Variants in USP10 observed in about 807,000 individuals in gnomAD.
USP10 encodes the protein ubiquitin carboxyl-terminal hydrolase 10.
USP10 carries 22 observed loss-of-function variants against 84.5 expected under a neutral mutation model. The observed-to-expected ratio is 0.26, with a 90% confidence interval of 0.19 to 0.37. The LOEUF (loss-of-function observed/expected upper bound fraction) is 0.37. USP10 is among the 10% of genes least tolerant of loss of function. The pLI is 1.00. For synonymous variants in USP10, 454 were observed against 387.6 expected (o/e 1.17, Z -2.01); for missense variants, 1,019 against 998.9 (o/e 1.02, Z -0.27).
chr16:84,700,189 C>CGGCGGGCGG, intron 1 of USP10, 78 bp downstream of exon 1: 14 of 1,108,968 alleles, frequency 1.3e-5, no homozygotes, highest in Non-Finnish European at 1.6e-5. Flanking sequence ...CGGGCGTCCG[C>CGGCGGGCGG]GCCCTGCCCG....
rs560895101 is a variant in USP10 at position 84,746,492 on chromosome 16, A to G, written c.1192+819A>G. Among the ~76,000 whole-genome samples, 7 of 152,346 alleles carry G rather than the reference A, an allele frequency of 4.6e-5. No individual in the cohort carries two copies. The East Asian group carries it at 9.6e-4, about 21-fold the overall frequency. On this transcript the variant is annotated intron_variant, in intron 4 of 13. Coordinates refer to ENST00000219473, the MANE Select transcript of USP10 (RefSeq NM_005153.3). ...CTGCAAACCTGTCCAGCGTGTTACT[A>G]CTGAATACTGTAGGCAGTTGTAACA...
At chr16:84,700,953 G>T (rs1315967590) in intron 1 of USP10, among the ~76,000 whole-genome samples, 1 of 151,352 alleles carries the variant, frequency 6.6e-6, no homozygotes, top group Admixed American at 6.6e-5. Flanking sequence ...GACAAAAATC[G>T]GCATGATGTA....
chr16:84,700,034 C>CG lies in USP10; in HGVS notation c.-52dup. On this transcript the variant is annotated 5_prime_UTR_variant, in exon 1 of 14. It removes the in-frame stop codon of an upstream open reading frame in the 5' UTR. Coordinates refer to ENST00000219473, the MANE Select transcript of USP10 (RefSeq NM_005153.3). ...TGTGCGGGCGAGAAGATGGCGGCGG[C>CG]GGGGGAAGCAGCGTGAGCAGCCGGA... The CG allele has an allele frequency of 2.2e-6, 3 of 1,338,048 alleles. No homozygotes were observed. The highest frequency in any genetic ancestry group is 4.4e-5 in the East Asian group (1 of 22,668). The allele number at this position is 1,338,048 out of a possible 1,614,324, so 82.9% of individuals were successfully genotyped here.
intron 11 of USP10, 112 bp from the exon 12 acceptor site, chr16:84,772,429 A>G (rs757340449): frequency 6.8e-6 from 10 of 1,464,446 alleles, no homozygotes; most frequent in Non-Finnish European, 7.5e-6. Context: ...GTCCTGCCAC[A>G]GGACTCTTGG....
chr16:84,716,618 C>T (rs541794543), intron 1 of USP10: 3 of 152,148 alleles, frequency 2.0e-5, no homozygotes, highest in Non-Finnish European at 4.4e-5. Context: ...CTTTGAAGGA[C>T]AAGTAGGACT....
intron 4 of USP10, among the ~76,000 whole-genome samples, chr16:84,756,099 C>G (rs1442793917): frequency 7.1e-6 from 1 of 140,492 alleles, no homozygotes; most frequent in African/African-American, 2.5e-5. Flanking sequence ...CCCCCCGCCC[C>G]CCATCTCCCA....
intron 11 of USP10, among the ~76,000 whole-genome samples, chr16:84,769,850 G>A (rs974165836): frequency 1.3e-5 from 2 of 152,162 alleles, no homozygotes; most frequent in Non-Finnish European, 2.9e-5. Flanking sequence ...GTGGCGGTGT[G>A]GGGGCAGGGG....
At chr16:84,753,554 A>G (rs1186150307) in intron 4 of USP10, among the ~76,000 whole-genome samples, 2 of 152,172 alleles carry the variant, frequency 1.3e-5, no homozygotes, top group Non-Finnish European at 2.9e-5. Flanking sequence ...TACCTGTTCC[A>G]GGTGCGGAGT....
At position 84,779,146 on chromosome 16, in the gene USP10, C is replaced by T; in HGVS notation, c.*64C>T. 4.5e-6 allele frequency: 7 copies of T among 1,541,986 alleles called. No homozygotes were observed. The highest frequency in any genetic ancestry group is 6.2e-6 in the Non-Finnish European group (7 of 1,135,180). On this transcript the variant is annotated 3_prime_UTR_variant, in exon 14 of 14. Coordinates refer to ENST00000219473, the MANE Select transcript of USP10 (RefSeq NM_005153.3). ...GTAGGACACCACCTCACACTCACTTCCCGCCTCTCTTTAGTGGCTCTTTAG... is the reference window on the plus strand; with the variant it reads ...GTAGGACACCACCTCACACTCACTTTCCGCCTCTCTTTAGTGGCTCTTTAG...
In USP10 at chr16:84,778,888, C is replaced by T. The variant is rs1915292062; in HGVS notation, c.2210-7C>T. On this transcript the variant is annotated splice_region_variant and splice_polypyrimidine_tract_variant and intron_variant, in intron 13 of 13. Transcript: ENST00000219473. ...CTCACTCTGCTGCCTGCTGGGCTCT[C>T]TTCCAGTGGTCTACCATCACGGCAA... is the stretch of plus-strand genomic sequence containing the variant. 1.2e-6 allele frequency: 2 copies of T among 1,611,776 alleles called. No individual in the cohort carries two copies. The highest frequency in any genetic ancestry group is 2.2e-5 in the East Asian group (1 of 44,828).
rs376798108 is a variant in USP10, at chr16:84,764,216, G to A, written c.1785G>A (p.Ala595=). The A allele has an allele frequency of 3.1e-6, 5 of 1,614,032 alleles. No individual in the cohort carries two copies. Among genetic ancestry groups the A allele is most frequent in the Middle Eastern group, 1.6e-4 (1 of 6,062 alleles). ...ACAAGACTTCCGTCACCCGCCAGGC[G>A]GATTTTGTTCAGACTCCAATCACCG... ...PRNKTSVTRQ[A]DFVQTPITGI... Residue 595 remains alanine (A), a synonymous_variant, in exon 10 of 14, where the codon GCG becomes GCA. Transcript: ENST00000219473.
At position 84,758,821 on chromosome 16, in the gene USP10, A is replaced by G. The variant is rs764862429; in HGVS notation, c.1284+14A>G. 2 of 1,602,562 alleles carry G rather than the reference A, an allele frequency of 1.2e-6. No homozygotes were observed. The highest frequency in any genetic ancestry group is 3.3e-5 in the Admixed American group (2 of 59,926). On this transcript the variant is annotated intron_variant, in intron 5 of 13. Transcript: ENST00000219473. ...TACATTAATGCTGTATCCTTCCTGG[A>G]CGCCGTCCGCAAGGCCAGCTTGTTG...
At chr16:84,770,520 C>T (rs939818555) in intron 11 of USP10, among the ~76,000 whole-genome samples, 1 of 152,300 alleles carries the variant, frequency 6.6e-6, no homozygotes, top group East Asian at 1.9e-4. Context: ...CACCTGTAAT[C>T]CCAGCACTTT....
At chr16:84,775,393 G>A (rs563755445) in intron 13 of USP10, among the ~76,000 whole-genome samples, 168 bp downstream of exon 13, 20 of 152,316 alleles carry the variant, frequency 1.3e-4, no homozygotes, top group Middle Eastern at 3.4e-3. Flanking sequence ...GAAACTCTGC[G>A]TAGATGACGG....
At position 84,779,081 on chromosome 16, in the gene USP10, A is replaced by G. The variant is rs775964757; in HGVS notation, c.2396A>G (p.Ter799=). ...TATTACCGCCGAGTGGACCTGCTGTAAACCCTGTGTGCGCTGTGTGTGCGC... is the reference window on the plus strand; with the variant it reads ...TATTACCGCCGAGTGGACCTGCTGTGAACCCTGTGTGCGCTGTGTGTGCGC... ...LLYYRRVDLL[*] The change falls in exon 14 of 14, where the codon TAA becomes TGA. Residue 799 remains the stop codon, a stop_retained_variant. Transcript: ENST00000219473. 8 of 1,612,854 alleles carry G rather than the reference A, an allele frequency of 5.0e-6. No homozygotes were observed. Among genetic ancestry groups the G allele is most frequent in the Non-Finnish European group, 5.9e-6 (7 of 1,179,112 alleles).
intron 4 of USP10, among the ~76,000 whole-genome samples, chr16:84,747,118 G>A (rs546065914): frequency 2.0e-5 from 3 of 152,250 alleles, no homozygotes; most frequent in East Asian, 3.9e-4. Context: ...GAAATGTTAC[G>A]CCGCGCGTGA....
At chr16:84,764,758 G>T (rs949914159) in intron 10 of USP10, among the ~76,000 whole-genome samples, 2 of 151,962 alleles carry the variant, frequency 1.3e-5, no homozygotes, top group Middle Eastern at 3.4e-3. Context: ...TTGAACCCAG[G>T]AGGCAGAGGT....
intron 1 of USP10, among the ~76,000 whole-genome samples, chr16:84,704,553 T>C (rs1162311473): frequency 1.3e-5 from 2 of 152,244 alleles, no homozygotes; most frequent in Non-Finnish European, 2.9e-5. Flanking sequence ...AAAAGGTCTT[T>C]CTTTGACCAT....
At position 84,779,145 on chromosome 16, in the gene USP10, T is replaced by TC. The variant is rs1915324052; in HGVS notation, c.*66dup. The TC allele has an allele frequency of 2.0e-6, 3 of 1,526,050 alleles. No homozygotes were observed. In the East Asian group the frequency reaches 6.9e-5, roughly 35 times the overall value. The allele number at this position is 1,526,050 out of a possible 1,614,324, so 94.5% of individuals were successfully genotyped here. On this transcript the variant is annotated 3_prime_UTR_variant, in exon 14 of 14. Coordinates refer to ENST00000219473, the MANE Select transcript of USP10 (RefSeq NM_005153.3). ...CGTAGGACACCACCTCACACTCACT[T>TC]CCCGCCTCTCTTTAGTGGCTCTTTA...
Sources: gnomAD v4.1 joint callset for allele counts (sites outside exome capture counted in the v4.1 genomes callset) on GRCh38, gnomAD v4.1.1 for gene constraint, MANE v1.5 for transcripts, NCBI Gene and HGNC (gene_info 2026-07-23, HGNC 2026-07-21) for gene names.